The following NPFFR2 variants were observed in gnomAD, a reference collection of about 807,000 sequenced individuals.
NPFFR2 encodes the protein G-protein coupled receptor 74.
In NPFFR2, 15 loss-of-function variants were observed where a neutral mutation model predicts 13.1. That is an observed-to-expected ratio of 1.15 (90% confidence interval 0.77 to 1.76). NPFFR2 has a LOEUF of 1.76. NPFFR2 is among the 40% of genes most tolerant of loss of function. NPFFR2 has a pLI of 0.00. For synonymous variants in NPFFR2, 190 were observed against 175.7 expected (o/e 1.08, Z -0.65); for missense variants, 572 against 503.5 (o/e 1.14, Z -1.30).
chr4:72,079,318 G>T (rs948235870), intron 1 of NPFFR2, among the ~76,000 whole-genome samples: 12 of 150,116 alleles, frequency 8.0e-5, no homozygotes, highest in Non-Finnish European at 5.9e-5. Flanking sequence ...ATTTTTTTTA[G>T]TTCCTATTGA....
At chr4:72,046,494 T>C (rs1020938183) in intron 1 of NPFFR2, among the ~76,000 whole-genome samples, 1 of 152,158 alleles carries the variant, frequency 6.6e-6, no homozygotes, top group African/African-American at 2.4e-5. Flanking sequence ...ACCATCCTCT[T>C]GGACTTCCCA....
chr4:72,146,378 C>T (rs985105488), intron 3 of NPFFR2, among the ~76,000 whole-genome samples: 14 of 152,144 alleles, frequency 9.2e-5, no homozygotes, highest in East Asian at 5.8e-4. Context: ...ACCTGCCCCA[C>T]ATGCAAGTGT....
At chr4:72,068,860 T>TG in intron 1 of NPFFR2, 3 of 292,906 alleles carry the variant, frequency 1.0e-5, no homozygotes, top group Non-Finnish European at 1.8e-5. Flanking sequence ...TTTTATCTTA[T>TG]CTTTTTTCCT....
At chr4:72,095,696 C>T (rs1473355664) in intron 1 of NPFFR2, among the ~76,000 whole-genome samples, 2 of 152,146 alleles carry the variant, frequency 1.3e-5, no homozygotes, top group African/African-American at 4.8e-5. Flanking sequence ...ACTGCTCACT[C>T]TTATCATTTA....
chr4:72,147,521 C>T lies in NPFFR2; in HGVS notation c.972C>T (p.Gly324=), dbSNP rs1376409831. ...CTTTTGCACACTGGCTGGCATTCGG[C>T]AACAGCAGTGTCAATCCCATCATTT... is the stretch of plus-strand genomic sequence containing the variant. ...IYPFAHWLAF[G]NSSVNPIIYG... The change falls in exon 4 of 4, where the codon GGC becomes GGT. Residue 324 remains glycine, a synonymous_variant. Coordinates refer to ENST00000308744, the MANE Select transcript of NPFFR2 (RefSeq NM_004885.3). 6.2e-7 allele frequency: 1 copy of T among 1,614,188 alleles called. No homozygotes were observed. The highest frequency in any genetic ancestry group is 1.7e-5 in the Admixed American group (1 of 60,016).
At chr4:72,144,462 A>T (rs1198114881) in intron 3 of NPFFR2, among the ~76,000 whole-genome samples, 2 of 152,162 alleles carry the variant, frequency 1.3e-5, no homozygotes, top group Non-Finnish European at 2.9e-5. Flanking sequence ...AAACTGCCAC[A>T]TCTTTATTTC....
At chr4:72,140,872 G>T (rs1722589061) in intron 3 of NPFFR2, among the ~76,000 whole-genome samples, 1 of 152,082 alleles carries the variant, frequency 6.6e-6, no homozygotes, top group Non-Finnish European at 1.5e-5. Context: ...GTAGAATTCA[G>T]CTGTGAATTC....
At chr4:72,052,952 A>G (rs12502538) in intron 1 of NPFFR2, among the ~76,000 whole-genome samples, 41,162 of 151,800 alleles carry the variant, frequency 0.27, 5,899 homozygotes, top group Middle Eastern at 0.37. Flanking sequence ...CCTATGACCT[A>G]GAACACCCCT....
At chr4:72,068,727 A>G (rs1478793333) in intron 1 of NPFFR2, among the ~76,000 whole-genome samples, 2 of 152,196 alleles carry the variant, frequency 1.3e-5, no homozygotes, top group Non-Finnish European at 2.9e-5. Context: ...AAAAAATTGG[A>G]AGGGGATTAG....
intron 2 of NPFFR2, among the ~76,000 whole-genome samples, chr4:72,131,497 G>A (rs13127200): frequency 2.6e-5 from 4 of 151,024 alleles, no homozygotes; most frequent in African/African-American, 9.7e-5. Context: ...CCTAATGCTA[G>A]ATGACGAGTT....
At chr4:72,094,636 C>A (rs574416772) in intron 1 of NPFFR2, among the ~76,000 whole-genome samples, 153 of 152,262 alleles carry the variant, frequency 1.0e-3, no homozygotes, top group Non-Finnish European at 1.7e-3. Flanking sequence ...TCACCCAGCT[C>A]CTATGCAGCC....
In NPFFR2 at chr4:72,130,901, G is replaced by A. The variant is rs116282063; in HGVS notation, c.328+1982G>A. On this transcript the variant is annotated intron_variant, in intron 2 of 3. Transcript: ENST00000308744. ...TCAGGAAGAATCAGGTCGCATGAACGAATTGAAGTGTGGTGAATGTGGAGG... is the reference window on the plus strand; with the variant it reads ...TCAGGAAGAATCAGGTCGCATGAACAAATTGAAGTGTGGTGAATGTGGAGG... Among the ~76,000 whole-genome samples the A allele has an allele frequency of 2.9e-3, 449 of 152,268 alleles. 2 individuals are homozygous for A. The highest frequency in any genetic ancestry group is 0.011 in the African/African-American group (440 of 41,550).
intron 1 of NPFFR2, among the ~76,000 whole-genome samples, chr4:72,060,833 G>A (rs988505508): frequency 6.6e-6 from 1 of 151,958 alleles, no homozygotes; most frequent in Admixed American, 6.6e-5. Context: ...TCTAAACCTT[G>A]CCTTTAATGG....
intron 1 of NPFFR2, among the ~76,000 whole-genome samples, chr4:72,109,721 G>T (rs1224572805): frequency 2.6e-5 from 4 of 151,894 alleles, no homozygotes; most frequent in Non-Finnish European, 5.9e-5. Context: ...TGTTGTTGTT[G>T]TTTTTTAATG....
intron 1 of NPFFR2, among the ~76,000 whole-genome samples, chr4:72,033,412 C>T (rs1230962471): frequency 6.7e-6 from 1 of 149,644 alleles, no homozygotes; most frequent in African/African-American, 2.5e-5. Flanking sequence ...TATTTAAAGG[C>T]ACATATTAAC....
chr4:72,050,114 A>G (rs1051971232), intron 1 of NPFFR2, among the ~76,000 whole-genome samples: 4 of 152,012 alleles, frequency 2.6e-5, no homozygotes. Context: ...ATGCCTATGT[A>G]ATGAATATCC....
intron 1 of NPFFR2, among the ~76,000 whole-genome samples, chr4:72,092,285 T>G (rs1720935411): frequency 6.6e-6 from 1 of 152,084 alleles, no homozygotes; most frequent in Admixed American, 6.5e-5. Flanking sequence ...AAGGTTCCAT[T>G]TGCTGATGAA....
chr4:72,102,258 T>C (rs1243428080), intron 1 of NPFFR2, among the ~76,000 whole-genome samples: 1 of 152,036 alleles, frequency 6.6e-6, no homozygotes, highest in African/African-American at 2.4e-5. Context: ...ATTAAAGAGC[T>C]TGGACTTTGT....
rs112315040 is a variant in NPFFR2, at chr4:72,072,815, G to C, written c.-8+40615G>C. On this transcript the variant is annotated intron_variant, in intron 1 of 3. Coordinates refer to ENST00000308744, the MANE Select transcript of NPFFR2 (RefSeq NM_004885.3). Reference sequence around the variant, plus strand: ...CCCAAAACAGATAATGTTGAAAGTAGCTTTAGAGGAGTGACTTACCACATA... The same window carrying C: ...CCCAAAACAGATAATGTTGAAAGTACCTTTAGAGGAGTGACTTACCACATA... Among the ~76,000 whole-genome samples, 454 of 152,140 alleles carry C rather than the reference G, an allele frequency of 3.0e-3. 3 individuals are homozygous for C. The highest frequency in any genetic ancestry group is 9.9e-3 in the African/African-American group (410 of 41,542).
Sources: gnomAD v4.1 joint callset for allele counts (sites outside exome capture counted in the v4.1 genomes callset) on GRCh38, gnomAD v4.1.1 for gene constraint, MANE v1.5 for transcripts, NCBI Gene and HGNC (gene_info 2026-07-23, HGNC 2026-07-21) for gene names.